SANBR: variants seen among roughly 807,000 people sequenced by gnomAD.
SANBR encodes the protein SANT and BTB domain regulator of class switch recombination.
A neutral mutation model predicts 101.8 loss-of-function variants in SANBR; 77 were observed. The ratio of observed to expected loss-of-function variants is 0.76; its 90% confidence interval spans 0.63 to 0.91. The LOEUF (loss-of-function observed/expected upper bound fraction) is 0.91, where lower values mean the gene tolerates loss of function less well. SANBR is among the 40% of genes least tolerant of loss of function. The pLI, the probability that SANBR is intolerant of heterozygous loss-of-function variation, is 0.00. For missense variants in SANBR, 875 were observed against 853.0 expected (o/e 1.03, Z -0.32); for synonymous variants, 279 against 274.7 (o/e 1.02, Z -0.15).
chr2:61,101,950 T>A (rs913251027), intron 12 of SANBR, among the ~76,000 whole-genome samples: 2 of 150,288 alleles, frequency 1.3e-5, no homozygotes, highest in African/African-American at 4.9e-5. Flanking sequence ...GAGAATCGCT[T>A]GAATCCAGGA....
Position 61,076,969 on chromosome 2 carries a change from G to T in SANBR, c.481G>T (p.Asp161Tyr). ...VCDEAKNLKE[D>Y]FTCPRDLLIS... ...TGATGAAGCAAAAAACTTGAAAGAA[G>T]ATTTTACTTGCCCGCGAGATCTTTT... The change falls in exon 6 of 22, where the codon GAT becomes TAT. Residue 161 changes from aspartate to tyrosine, a missense_variant. Physicochemically the swap from Asp to Tyr is radical, Grantham distance 160. Transcript: ENST00000402291. 1.2e-6 allele frequency: 2 copies of T among 1,614,078 alleles called. No individual in the cohort carries two copies. Among genetic ancestry groups the T allele is most frequent in the South Asian group, 2.2e-5 (2 of 91,076 alleles).
downstream of SANBR, among the ~76,000 whole-genome samples, chr2:61,127,134 C>T (rs535606543): frequency 1.7e-4 from 26 of 152,254 alleles, 1 homozygote; most frequent in South Asian, 2.3e-3. Flanking sequence ...AAAATGTGAA[C>T]GCCAGAGCAG....
chr2:61,098,109 GTT>G (rs34130593), intron 12 of SANBR, among the ~76,000 whole-genome samples: 9 of 128,094 alleles, frequency 7.0e-5, no homozygotes, highest in East Asian at 2.2e-4. Context: ...TTGTTTTTTT[GTT>G]TTTTTTTTTT....
chr2:61,083,536 A>G (rs1236708904), intron 8 of SANBR, among the ~76,000 whole-genome samples: 1 of 150,608 alleles, frequency 6.6e-6, no homozygotes, highest in Non-Finnish European at 1.5e-5. Context: ...AGCTGGGACT[A>G]CAGGAATGCA....
chr2:61,081,654 A>C, intron 7 of SANBR, 144 bp downstream of exon 7: 1 of 980,964 alleles, frequency 1.0e-6, no homozygotes. Context: ...CAGGAATATA[A>C]TTTCTTTTTC....
In SANBR at chr2:61,070,540, C is replaced by G. The variant is rs540313387; in HGVS notation, c.150+40C>G. 285 of 1,559,784 alleles carry G rather than the reference C, an allele frequency of 1.8e-4. 3 individuals carry two copies. In the South Asian group the frequency reaches 3.3e-3, roughly 18 times the overall value. On this transcript the variant is annotated intron_variant, in intron 3 of 21. Coordinates refer to ENST00000402291, the MANE Select transcript of SANBR (RefSeq NM_001129993.3). The stretch of plus-strand genomic sequence containing the variant: ...CCCCAGAATATCTCCTGAAAATGTT[C>G]AGAAAAGGTCATCAATTTAAAGAAA...
downstream of SANBR, among the ~76,000 whole-genome samples, chr2:61,126,108 A>T (rs1413357819): frequency 1.3e-5 from 2 of 152,198 alleles, no homozygotes; most frequent in African/African-American, 2.4e-5. Context: ...ATCAAAACAG[A>T]ACTTGTGATA....
downstream of SANBR, among the ~76,000 whole-genome samples, chr2:61,125,470 A>G (rs917441506): frequency 5.9e-5 from 9 of 152,246 alleles, 1 homozygote; most frequent in South Asian, 1.7e-3. Context: ...TGGCATTTGT[A>G]GAAAGAGCTA....
chr2:61,106,589 A>G lies in SANBR; in HGVS notation c.1538A>G (p.Glu513Gly), dbSNP rs754508875. ...VSDVGVGLCD[E>G]KGIECDVLLE... is the part of the protein sequence containing the mutation. ...GATGTTGGGGTTGGCCTCTGTGATG[A>G]AAAGGGTATAGAATGTGATGTTTTA... Residue 513 changes from glutamate (E) to glycine (G), a missense_variant, in exon 14 of 22, where the codon GAA becomes GGA. Coordinates refer to ENST00000402291, the MANE Select transcript of SANBR (RefSeq NM_001129993.3). 9 of 1,601,778 alleles carry G rather than the reference A, an allele frequency of 5.6e-6. No individual in the cohort carries two copies. The South Asian group carries it at 1.0e-4, about 18-fold the overall frequency.
intron 2 of SANBR, 61 bp from the exon 3 acceptor site, chr2:61,070,281 A>G (rs1681391582): frequency 8.0e-7 from 1 of 1,250,276 alleles, no homozygotes; most frequent in African/African-American, 1.5e-5. Context: ...CTGATCTGTA[A>G]TGTTCTGAAA....
intron 12 of SANBR, among the ~76,000 whole-genome samples, chr2:61,098,101 G>T (rs1333797721): frequency 1.1e-4 from 11 of 98,252 alleles, no homozygotes; most frequent in African/African-American, 2.4e-4. Flanking sequence ...TTTGTTTTTT[G>T]TTTTTTTGTT....
At chr2:61,074,836 A>T (rs982500354) in intron 5 of SANBR, 1 of 152,224 alleles carries the variant, frequency 6.6e-6, no homozygotes. Flanking sequence ...CGTTAGTTCA[A>T]TTATTACCTG....
Position 61,070,338 on chromosome 2 carries a change from CT to C in SANBR, c.-9-3del. The C allele has an allele frequency of 6.4e-7, 1 of 1,560,532 alleles. No individual in the cohort carries two copies. The highest frequency in any genetic ancestry group is 2.4e-5 in the East Asian group (1 of 41,220). On this transcript the variant is annotated splice_polypyrimidine_tract_variant and splice_region_variant and intron_variant, in intron 2 of 21. Transcript: ENST00000402291. ...ATAAAGCTTTTTGTCTTCCCTATCC[CT>C]AGTTCCAAAAGATGAGTCGTGGATA...
At chr2:61,109,134 G>GT in intron 15 of SANBR, 63 bp from the exon 16 acceptor site, 1 of 816,678 alleles carries the variant, frequency 1.2e-6, no homozygotes, top group Non-Finnish European at 1.8e-6. Context: ...AGGTAAATAT[G>GT]TTTGAAAGAA....
chr2:61,119,559 A>G (rs762676340), intron 20 of SANBR, among the ~76,000 whole-genome samples: 1 of 152,352 alleles, frequency 6.6e-6, no homozygotes, highest in East Asian at 1.9e-4. Context: ...AATGGGCAAA[A>G]GAGTAAACAG....
chr2:61,075,398 C>T (rs1197858432), intron 5 of SANBR, among the ~76,000 whole-genome samples: 6 of 152,178 alleles, frequency 3.9e-5, no homozygotes, highest in Admixed American at 6.5e-5. Context: ...GCTGGGACCA[C>T]GGGCATGCAC....
chr2:61,130,871 A>G (rs1684665760), intron 20 of SANBR, among the ~76,000 whole-genome samples: 1 of 132,062 alleles, frequency 7.6e-6, no homozygotes, highest in African/African-American at 2.8e-5. Flanking sequence ...TGGAGGTTGC[A>G]GTGAGCCGAG....
chr2:61,099,560 A>T (rs1683191146), intron 12 of SANBR, among the ~76,000 whole-genome samples: 3 of 152,132 alleles, frequency 2.0e-5, no homozygotes, highest in Admixed American at 2.0e-4. Flanking sequence ...TGAGTTTGAG[A>T]TGCTTTCTGA....
At chr2:61,127,668 C>G (rs182642925), downstream of SANBR, among the ~76,000 whole-genome samples, 296 of 151,680 alleles carry the variant, frequency 2.0e-3, 1 homozygote, top group African/African-American at 6.9e-3. Flanking sequence ...TTTTCTTTGT[C>G]TAAAAATAAC....
Sources: allele counts gnomAD v4.1 joint callset (sites outside exome capture counted in the v4.1 genomes callset), GRCh38; gene constraint gnomAD v4.1.1; transcripts MANE v1.5; gene names NCBI Gene and HGNC (gene_info 2026-07-23, HGNC 2026-07-21).